LRMDA: variants seen among roughly 807,000 people sequenced by gnomAD.
LRMDA encodes leucine-rich melanocyte differentiation-associated protein.
LRMDA carries 18 observed loss-of-function variants against 29.8 expected under a neutral mutation model. That is an observed-to-expected ratio of 0.60 (90% confidence interval 0.42 to 0.90). The LOEUF (loss-of-function observed/expected upper bound fraction) is 0.90. Ranked by LOEUF, LRMDA falls within the 40% of genes least tolerant of loss-of-function variation. The pLI is 0.00. For synonymous variants in LRMDA, 125 were observed against 109.4 expected (o/e 1.14, Z -0.89); for missense variants, 273 against 273.9 (o/e 1.00, Z 0.02).
At chr10:75,437,470 G>A (rs1456536257) in intron 1 of LRMDA, among the ~76,000 whole-genome samples, 3 of 152,182 alleles carry the variant, frequency 2.0e-5, no homozygotes, top group Non-Finnish European at 4.4e-5. Flanking sequence ...TAGGGAAACA[G>A]CATGCATTGT....
chr10:75,591,147 C>T lies in LRMDA; in HGVS notation c.131+152653C>T, dbSNP rs528280800. Among the ~76,000 whole-genome samples the T allele has an allele frequency of 1.4e-3, 208 of 152,196 alleles. 1 individual carries two copies. Among genetic ancestry groups the T allele is most frequent in the Non-Finnish European group, 2.5e-3 (168 of 68,002 alleles). ...ATCCCAACACTTTAGGCAGGAAGAT[C>T]GCTTGAGGCCAGACCAGCCTGGGCA... On this transcript the variant is annotated intron_variant, in intron 2 of 6. Coordinates refer to ENST00000611255, the MANE Select transcript of LRMDA (RefSeq NM_001305581.2).
chr10:76,280,835 G>A (rs1840194426), intron 5 of LRMDA, among the ~76,000 whole-genome samples: 1 of 152,086 alleles, frequency 6.6e-6, no homozygotes. Flanking sequence ...GTACTGGACT[G>A]TGTGCTGAGA....
At position 75,559,402 on chromosome 10, in the gene LRMDA, G is replaced by A. The variant is rs867844714; in HGVS notation, c.131+120908G>A. Among the ~76,000 whole-genome samples the A allele has an allele frequency of 6.0e-3, 914 of 151,802 alleles. 5 individuals carry two copies. The highest frequency in any genetic ancestry group is 0.054 in the Middle Eastern group (16 of 294). ...TTGTTTGTTTTTTTCTTGCAAATTT[G>A]TTTGAGTTCATTGTAGATTCTGGAT... On this transcript the variant is annotated intron_variant, in intron 2 of 6. Coordinates refer to ENST00000611255, the MANE Select transcript of LRMDA (RefSeq NM_001305581.2).
At chr10:76,115,848 A>C in intron 5 of LRMDA, among the ~76,000 whole-genome samples, 1 of 152,100 alleles carries the variant, frequency 6.6e-6, no homozygotes, top group East Asian at 1.9e-4. Flanking sequence ...GTGAGGGAGA[A>C]AATGGAGGGG....
rs142080673 is a variant in LRMDA, at chr10:76,466,899, C to T, written c.602-90310C>T. ...TGCTTTTATTACTTAGCAGCACATA[C>T]GAAAAAGTCTCCAGTGTCCATCCTC... On this transcript the variant is annotated intron_variant, in intron 6 of 6. Coordinates refer to ENST00000611255, the MANE Select transcript of LRMDA (RefSeq NM_001305581.2). Among the ~76,000 whole-genome samples, 403 of 152,346 alleles carry T rather than the reference C, an allele frequency of 2.6e-3. 2 individuals carry two copies. The highest frequency in any genetic ancestry group is 4.5e-3 in the Non-Finnish European group (303 of 68,030).
chr10:75,967,482 G>C (rs571695110), intron 2 of LRMDA, among the ~76,000 whole-genome samples: 1 of 151,976 alleles, frequency 6.6e-6, no homozygotes, highest in African/African-American at 2.4e-5. Context: ...TGTTATAATC[G>C]CAAAGAACTT....
At chr10:75,825,172 C>T (rs1184914307) in intron 2 of LRMDA, among the ~76,000 whole-genome samples, 1 of 152,214 alleles carries the variant, frequency 6.6e-6, no homozygotes, top group African/African-American at 2.4e-5. Flanking sequence ...GGGCATGGGC[C>T]ACTGGAGGGT....
chr10:75,891,868 G>A (rs367604816), intron 2 of LRMDA, among the ~76,000 whole-genome samples: 15 of 152,308 alleles, frequency 9.8e-5, no homozygotes, highest in African/African-American at 3.6e-4. Flanking sequence ...TTAGGTTCTG[G>A]ACATATTAAA....
intron 2 of LRMDA, among the ~76,000 whole-genome samples, chr10:75,926,761 G>T (rs1266081708): frequency 6.6e-6 from 1 of 152,176 alleles, no homozygotes; most frequent in African/African-American, 2.4e-5. Flanking sequence ...CTGTAACTTT[G>T]CTGTAAACAA....
chr10:76,218,336 T>A (rs1255009310), intron 5 of LRMDA, among the ~76,000 whole-genome samples: 2 of 152,224 alleles, frequency 1.3e-5, no homozygotes, highest in Non-Finnish European at 2.9e-5. Context: ...AGTGCAGGGC[T>A]GACAGCCCAA....
At chr10:75,432,603 T>A (rs976283965) in intron 1 of LRMDA, among the ~76,000 whole-genome samples, 1 of 152,226 alleles carries the variant, frequency 6.6e-6, no homozygotes, top group African/African-American at 2.4e-5. Flanking sequence ...CACCTTTCCC[T>A]GCACACCCTG....
intron 2 of LRMDA, among the ~76,000 whole-genome samples, chr10:75,564,489 G>A (rs1840344584): frequency 6.6e-6 from 1 of 152,230 alleles, no homozygotes; most frequent in South Asian, 2.1e-4. Flanking sequence ...CGCTTCCCGA[G>A]TGAGGCAATG....
chr10:76,323,560 T>C (rs1840797818), intron 5 of LRMDA, among the ~76,000 whole-genome samples: 2 of 152,180 alleles, frequency 1.3e-5, no homozygotes, highest in African/African-American at 2.4e-5. Context: ...GTAATGCTTC[T>C]TGCTACTAGC....
chr10:76,180,531 G>A (rs1236238123), intron 5 of LRMDA, among the ~76,000 whole-genome samples: 20 of 151,764 alleles, frequency 1.3e-4, no homozygotes, highest in Admixed American at 1.2e-3. Flanking sequence ...CTCCTGCCTC[G>A]GCCTCCCATA....
chr10:76,389,154 G>A (rs74335830), intron 6 of LRMDA, among the ~76,000 whole-genome samples: 1 of 152,308 alleles, frequency 6.6e-6, no homozygotes, highest in Non-Finnish European at 1.5e-5. Context: ...TGGGCTGTGG[G>A]TAGATGGTTG....
chr10:75,860,866 C>A (rs184575578), intron 2 of LRMDA, among the ~76,000 whole-genome samples: 1 of 152,158 alleles, frequency 6.6e-6, no homozygotes, highest in South Asian at 2.1e-4. Flanking sequence ...ACCTAGCATC[C>A]TGGCTTGCAC....
At chr10:76,309,174 C>T (rs1356113567) in intron 5 of LRMDA, among the ~76,000 whole-genome samples, 3 of 151,940 alleles carry the variant, frequency 2.0e-5, no homozygotes, top group Non-Finnish European at 4.4e-5. Flanking sequence ...AGGAAATGGG[C>T]GGGGACTCTG....
chr10:76,054,543 T>A (rs1848579368), intron 4 of LRMDA, among the ~76,000 whole-genome samples: 1 of 151,936 alleles, frequency 6.6e-6, no homozygotes, highest in African/African-American at 2.4e-5. Flanking sequence ...CGTGAAGGCA[T>A]CCTTCACTCC....
At chr10:75,670,817 T>C (rs967575472) in intron 2 of LRMDA, among the ~76,000 whole-genome samples, 2 of 152,196 alleles carry the variant, frequency 1.3e-5, no homozygotes, top group African/African-American at 4.8e-5. Flanking sequence ...CTGGGCCTTC[T>C]GAGGGGTGGA....
Sources: gnomAD v4.1 joint callset for allele counts (sites outside exome capture counted in the v4.1 genomes callset) on GRCh38, gnomAD v4.1.1 for gene constraint, MANE v1.5 for transcripts, NCBI Gene and HGNC (gene_info 2026-07-23, HGNC 2026-07-21) for gene names.